Variants in UGGT2 observed in about 807,000 individuals in gnomAD.
UGGT2 encodes UDP-glucose glycoprotein glucosyltransferase 2.
In UGGT2, 180 loss-of-function variants were observed where a neutral mutation model predicts 192.1. The observed-to-expected ratio is 0.94, with a 90% CI of 0.83 to 1.06. The LOEUF (loss-of-function observed/expected upper bound fraction) is 1.06, where lower values mean the gene tolerates loss of function less well. Ranked by LOEUF, UGGT2 falls within the 50% of genes least tolerant of loss-of-function variation. UGGT2 has a pLI of 0.00. For missense variants in UGGT2, 1,849 were observed against 1,795.7 expected (o/e 1.03, Z -0.54); for synonymous variants, 580 against 591.0 (o/e 0.98, Z 0.27).
At chr13:95,962,774 G>A (rs2050439889) in intron 12 of UGGT2, among the ~76,000 whole-genome samples, 1 of 152,098 alleles carries the variant, frequency 6.6e-6, no homozygotes, top group South Asian at 2.1e-4. Context: ...ATTCCTGATT[G>A]TATTAGTCTG....
intron 28 of UGGT2, 122 bp downstream of exon 28, chr13:95,877,576 C>A: frequency 8.4e-7 from 1 of 1,191,538 alleles, no homozygotes; most frequent in Middle Eastern, 2.3e-4. Flanking sequence ...TTCAAAGATT[C>A]AATTTTGTTT....
Position 95,801,809 on chromosome 13 carries a change from A to G in UGGT2, c.4532T>C (p.Leu1511Ser). ...CCAGTGCTAGAGTTCATCATGTGTC[A>G]AAACTATAAGGGAGAAAAGTTTATT... ...HLENKKQDTI[L>S]THDEL Residue 1511 changes from leucine to serine, a missense_variant, in exon 39 of 39, where the codon TTG (leucine) becomes TCG (serine). Leu to Ser is a moderately radical substitution (Grantham distance 145, BLOSUM62 -2). Coordinates refer to ENST00000376747, the MANE Select transcript of UGGT2 (RefSeq NM_020121.4). The G allele has an allele frequency of 1.2e-6, 2 of 1,613,944 alleles. No homozygotes were observed. Among genetic ancestry groups the G allele is most frequent in the East Asian group, 2.2e-5 (1 of 44,868 alleles).
chr13:95,927,347 AAAAAT>A lies in UGGT2; in HGVS notation c.1978-16_1978-12del, dbSNP rs771976661. 6.3e-7 allele frequency: 1 copy of A among 1,591,974 alleles called. No homozygotes were observed. Among genetic ancestry groups the A allele is most frequent in the South Asian group, 1.2e-5 (1 of 86,258 alleles). On this transcript the variant is annotated splice_polypyrimidine_tract_variant and intron_variant, in intron 17 of 38. Coordinates refer to ENST00000376747, the MANE Select transcript of UGGT2 (RefSeq NM_020121.4). ...ATCATTTAATGTGCCCTAAAAAAACAAAAATGTTATTTAGATAATACAGGCAATTT... is the reference window on the plus strand; with the variant it reads ...ATCATTTAATGTGCCCTAAAAAAACAGTTATTTAGATAATACAGGCAATTT...
At chr13:95,832,752 T>C (rs750179572) in intron 38 of UGGT2, 175 bp downstream of exon 38, 2 of 874,114 alleles carry the variant, frequency 2.3e-6, no homozygotes, top group Admixed American at 1.8e-5. Flanking sequence ...AGATTATCTA[T>C]GTTTTAAACT....
At chr13:95,986,585 A>T (rs1402376991) in intron 8 of UGGT2, among the ~76,000 whole-genome samples, 153 bp from the exon 9 acceptor site, 3 of 152,128 alleles carry the variant, frequency 2.0e-5, no homozygotes, top group Non-Finnish European at 2.9e-5. Flanking sequence ...AAAAGTTTTA[A>T]ATGTAAAGTT....
chr13:95,963,137 C>T (rs1446523338), intron 12 of UGGT2, among the ~76,000 whole-genome samples: 1 of 152,148 alleles, frequency 6.6e-6, no homozygotes, highest in Middle Eastern at 3.4e-3. Context: ...CTGATGAACA[C>T]AGATGCACAA....
chr13:95,854,206 G>A, intron 35 of UGGT2, 109 bp downstream of exon 35: 1 of 1,192,406 alleles, frequency 8.4e-7, no homozygotes, highest in Non-Finnish European at 1.2e-6. Flanking sequence ...GTAATTGGTT[G>A]CTTTTATTGT....
At position 95,972,763 on chromosome 13, in the gene UGGT2, A is replaced by T. The variant is rs1445023756; in HGVS notation, c.1093-92T>A. 3.1e-6 allele frequency: 3 copies of T among 971,038 alleles called. No homozygotes were observed. The African/African-American group carries it at 5.0e-5, about 16-fold the overall frequency. The allele number at this position is 971,038 out of a possible 1,614,324, so 60.2% of individuals were successfully genotyped here. ...ATATTATTTCTATAAAGAGTCAGAG[A>T]GTAAATATTTTAGGTTTGGCAGGCC... On this transcript the variant is annotated intron_variant, in intron 10 of 38. Coordinates refer to ENST00000376747, the MANE Select transcript of UGGT2 (RefSeq NM_020121.4).
chr13:95,856,425 AG>A, intron 33 of UGGT2, 85 bp from the exon 34 acceptor site: 1 of 1,427,510 alleles, frequency 7.0e-7, no homozygotes, highest in Non-Finnish European at 9.5e-7. Context: ...AAAAAGGTAA[AG>A]CTTCCTATAA....
intron 20 of UGGT2, among the ~76,000 whole-genome samples, chr13:95,924,393 C>CTTTTTTTTTTTGTTTTTTTTTT: frequency 1.6e-5 from 1 of 63,320 alleles, no homozygotes; most frequent in Non-Finnish European, 3.2e-5. Flanking sequence ...TCCCAAACAG[C>CTTTTTTTTTTTGTTTTTTTTTT]TTTTTTTTTT....
At chr13:95,837,044 T>C in intron 37 of UGGT2, 42 bp downstream of exon 37, 1 of 1,384,316 alleles carries the variant, frequency 7.2e-7, no homozygotes, top group Non-Finnish European at 1.0e-6. Flanking sequence ...ATTTAAACAT[T>C]TCTGTATCTG....
At chr13:95,866,087 C>G (rs1187717292) in intron 30 of UGGT2, among the ~76,000 whole-genome samples, 1 of 151,830 alleles carries the variant, frequency 6.6e-6, no homozygotes, top group Non-Finnish European at 1.5e-5. Context: ...TTTTTCCTGT[C>G]TCTATTGCAT....
chr13:95,891,775 T>C (rs545978499), intron 24 of UGGT2, among the ~76,000 whole-genome samples: 2 of 152,290 alleles, frequency 1.3e-5, no homozygotes, highest in African/African-American at 4.8e-5. Context: ...AAGAGGTACA[T>C]GTGTAGTTAC....
chr13:96,014,632 TA>T (rs1230924844), intron 4 of UGGT2, among the ~76,000 whole-genome samples: 2 of 152,188 alleles, frequency 1.3e-5, no homozygotes, highest in African/African-American at 4.8e-5. Flanking sequence ...ACTTCATTAT[TA>T]ATCTTCTGTA....
intron 19 of UGGT2, among the ~76,000 whole-genome samples, chr13:95,926,330 A>ATAG (rs1316192843): frequency 6.6e-6 from 1 of 152,114 alleles, no homozygotes; most frequent in Non-Finnish European, 1.5e-5. Flanking sequence ...TCTCCTATAT[A>ATAG]AAAGTTTGCC....
intron 17 of UGGT2, among the ~76,000 whole-genome samples, chr13:95,931,541 AGGGTG>A (rs973169789): frequency 2.2e-4 from 19 of 86,018 alleles, no homozygotes; most frequent in African/African-American, 5.1e-4. Flanking sequence ...GTGCCGGGGC[AGGGTG>A]GGGTGGGGTG....
At chr13:95,949,031 C>T (rs1298598605) in intron 13 of UGGT2, among the ~76,000 whole-genome samples, 3 of 152,134 alleles carry the variant, frequency 2.0e-5, no homozygotes, top group Non-Finnish European at 4.4e-5. Context: ...CGTTTGCTTC[C>T]CCTTCTGCCA....
At chr13:95,998,029 G>T (rs2051680369) in intron 6 of UGGT2, among the ~76,000 whole-genome samples, 1 of 152,210 alleles carries the variant, frequency 6.6e-6, no homozygotes, top group African/African-American at 2.4e-5. Context: ...GTGGAGATTA[G>T]ATTGATTAAT....
intron 1 of UGGT2, among the ~76,000 whole-genome samples, chr13:96,052,321 G>A (rs1318837239): frequency 1.3e-5 from 2 of 152,154 alleles, no homozygotes; most frequent in African/African-American, 4.8e-5. Flanking sequence ...TCGGGGGAAA[G>A]GTTGAGAAGG....
Sources: allele counts gnomAD v4.1 joint callset (sites outside exome capture counted in the v4.1 genomes callset), GRCh38; gene constraint gnomAD v4.1.1; transcripts MANE v1.5; gene names NCBI Gene and HGNC (gene_info 2026-07-23, HGNC 2026-07-21).